KDM2B: variants seen among roughly 807,000 people sequenced by gnomAD.
KDM2B encodes the protein lysine-specific demethylase 2B.
Under a neutral mutation model 150.0 loss-of-function variants are expected in KDM2B, and 26 were observed. That is an observed-to-expected ratio of 0.17 (90% CI 0.13 to 0.24). The LOEUF is 0.24. Among genes scored for constraint, KDM2B ranks in the 10% least tolerant of loss-of-function variants. KDM2B has a pLI of 1.00. For missense variants in KDM2B, 1,265 were observed against 1,816.9 expected (o/e 0.70, Z 5.52); for synonymous variants, 734 against 729.5 (o/e 1.01, Z -0.10).
chr12:121,430,243 C>T lies in KDM2B; in HGVS notation c.*45G>A. On this transcript the variant is annotated 3_prime_UTR_variant, in exon 23 of 23. Transcript: ENST00000377071. This position sits in a 1 kb window ranked among gnomAD's most constrained non-coding sequence, Gnocchi z 4.4. ...AAAAGCCCTCATTTTTGTAAAGTCT[C>T]TCCCCTCCCAGAGCCCGCCCCGTAT... is the stretch of plus-strand genomic sequence containing the variant. The T allele has an allele frequency of 6.2e-7, 1 of 1,614,106 alleles. No homozygotes were observed. The highest frequency in any genetic ancestry group is 1.1e-5 in the South Asian group (1 of 91,084).
chr12:121,454,545 G>GTC (rs1171933186), intron 12 of KDM2B, among the ~76,000 whole-genome samples: 1 of 152,176 alleles, frequency 6.6e-6, no homozygotes, highest in Admixed American at 6.5e-5. Flanking sequence ...GTCCACAGAG[G>GTC]TCCCCTGTCC....
At chr12:121,491,233 G>A (rs1593931447) in intron 12 of KDM2B, among the ~76,000 whole-genome samples, 1 of 152,176 alleles carries the variant, frequency 6.6e-6, no homozygotes, top group East Asian at 1.9e-4. Flanking sequence ...TGGCCCGAGA[G>A]GCACTGCTGC....
At chr12:121,446,879 T>C (rs1025845507) in intron 13 of KDM2B, among the ~76,000 whole-genome samples, 2 of 152,184 alleles carry the variant, frequency 1.3e-5, no homozygotes, top group African/African-American at 4.8e-5. Flanking sequence ...TATGTGCCAA[T>C]ATTTGGAAAA....
Position 121,533,051 on chromosome 12 carries a change from C to G in KDM2B, c.778-92G>C, listed in dbSNP as rs1394731387. 6 of 1,327,978 alleles carry G rather than the reference C, an allele frequency of 4.5e-6. No individual in the cohort carries two copies. The highest frequency in any genetic ancestry group is 3.9e-5 in the South Asian group (3 of 76,934). 82.3% of individuals were successfully genotyped at this position (1,327,978 alleles called of 1,614,324 possible). A position where few individuals can be genotyped will look rare whatever the true frequency, so the allele number is the denominator to read the frequency against. On this transcript the variant is annotated intron_variant, in intron 7 of 22. Coordinates refer to ENST00000377071, the MANE Select transcript of KDM2B (RefSeq NM_032590.5). The surrounding 1 kb of genome is among the most constrained non-coding windows in gnomAD (Gnocchi z 4.1). ...ACCTGCCTGGCGGAAGGGGAGGGGG[C>G]GAGACAAGCTGTGTGTGGGGTGGGG...
intron 12 of KDM2B, among the ~76,000 whole-genome samples, chr12:121,472,383 C>T (rs1169466401): frequency 2.0e-5 from 3 of 152,204 alleles, no homozygotes; most frequent in African/African-American, 4.8e-5. Context: ...AACTGTAATT[C>T]GAACAGTGAC....
chr12:121,507,842 C>G (rs1555303171), intron 11 of KDM2B, among the ~76,000 whole-genome samples: 1 of 152,030 alleles, frequency 6.6e-6, no homozygotes. Flanking sequence ...GAGACCCCAT[C>G]TCTACAAAAA....
intron 12 of KDM2B, among the ~76,000 whole-genome samples, chr12:121,458,664 G>A (rs1878649602): frequency 6.6e-6 from 1 of 152,144 alleles, no homozygotes; most frequent in South Asian, 2.1e-4. Context: ...AGCCAGGCAT[G>A]GTGGCACGTG....
intron 12 of KDM2B, among the ~76,000 whole-genome samples, chr12:121,472,729 C>T (rs1490652140): frequency 2.6e-5 from 4 of 152,172 alleles, no homozygotes; most frequent in Non-Finnish European, 5.9e-5. Context: ...ATTCCCAATG[C>T]CTTTGCTGAC....
Position 121,444,071 on chromosome 12 carries a change from C to G in KDM2B, c.2392G>C (p.Val798Leu). The stretch of plus-strand genomic sequence containing the variant: ...TATTTCCGCTTCTTCCTCAGGTGCA[C>G]GTCGTCAGACTTTCTGCGCAGAAGG... ...DGLLRRKSDD[V>L]HLRKKRKYEK... Residue 798 changes from valine to leucine, a missense_variant, in exon 16 of 23, where the codon GTG becomes CTG. Coordinates refer to ENST00000377071, the MANE Select transcript of KDM2B (RefSeq NM_032590.5). 1 of 1,613,934 alleles carries G rather than the reference C, an allele frequency of 6.2e-7. No homozygotes were observed. Among genetic ancestry groups the G allele is most frequent in the Non-Finnish European group, 8.5e-7 (1 of 1,179,988 alleles).
In KDM2B at chr12:121,537,942, G is replaced by A. The variant is rs1456002794; in HGVS notation, c.684-3352C>T. 6.6e-6 allele frequency among the ~76,000 whole-genome samples: 1 copy of A among 150,654 alleles called. No individual in the cohort carries two copies. Among genetic ancestry groups the A allele is most frequent in the Non-Finnish European group, 1.5e-5 (1 of 67,530 alleles). ...GCGGCGGCGGCGGCGGCTCCCGTGC[G>A]TCCCCTTCGGCTCCCGGGCGTCCCC... On this transcript the variant is annotated intron_variant, in intron 6 of 22. Coordinates refer to ENST00000377071, the MANE Select transcript of KDM2B (RefSeq NM_032590.5). The surrounding 1 kb of genome is among the most constrained non-coding windows in gnomAD (Gnocchi z 8.7).
At chr12:121,504,535 C>CA (rs1227747589) in intron 11 of KDM2B, among the ~76,000 whole-genome samples, 55 of 149,266 alleles carry the variant, frequency 3.7e-4, no homozygotes, top group Admixed American at 1.3e-3. Flanking sequence ...ACCCCCATCT[C>CA]AAAAAAAAAC....
At chr12:121,440,554 T>A (rs527766423) in intron 21 of KDM2B, 5 of 465,380 alleles carry the variant, frequency 1.1e-5, no homozygotes, top group East Asian at 3.7e-5. Context: ...AAGAAAGCAG[T>A]GAGACACACG....
intron 11 of KDM2B, among the ~76,000 whole-genome samples, chr12:121,497,415 C>T (rs1884088207): frequency 6.6e-6 from 1 of 152,114 alleles, no homozygotes; most frequent in African/African-American, 2.4e-5. Flanking sequence ...AGCGAGTCTC[C>T]TGCCTCAGCC....
chr12:121,436,102 A>C (rs995727959), intron 22 of KDM2B, among the ~76,000 whole-genome samples: 1 of 152,256 alleles, frequency 6.6e-6, no homozygotes, highest in Non-Finnish European at 1.5e-5. Flanking sequence ...AGTTCAGAGA[A>C]TACAGCTTGA....
At chr12:121,510,452 G>A (rs894143002) in intron 10 of KDM2B, among the ~76,000 whole-genome samples, 3 of 151,934 alleles carry the variant, frequency 2.0e-5, no homozygotes, top group Admixed American at 6.6e-5. Context: ...ATGAGGTCTC[G>A]TTATATTGCC....
Position 121,452,140 on chromosome 12 carries a change from G to A in KDM2B, c.1959+980C>T, listed in dbSNP as rs187072534. Among the ~76,000 whole-genome samples the A allele has an allele frequency of 1.3e-3, 195 of 152,106 alleles. 1 individual carries two copies. The highest frequency in any genetic ancestry group is 3.1e-4 in the Non-Finnish European group (21 of 68,016). ...ACTGAAAGTGGAATGGTGGTTGCCC[G>A]GGCTGAGGGAGGGGAAAGGGGAGTA... On this transcript the variant is annotated intron_variant, in intron 13 of 22. Transcript: ENST00000377071. The surrounding 1 kb of genome is among the most constrained non-coding windows in gnomAD (Gnocchi z 4.4).
At chr12:121,446,194 G>C (rs1452770746) in intron 13 of KDM2B, among the ~76,000 whole-genome samples, 3 of 152,136 alleles carry the variant, frequency 2.0e-5, no homozygotes, top group East Asian at 1.9e-4. Flanking sequence ...AGGAGATCGA[G>C]ACCATCCCGG....
Position 121,540,754 on chromosome 12 carries a change from CAAAAAAAAA to C in KDM2B, c.684-6173_684-6165del, listed in dbSNP as rs60199948. 4.3e-4 allele frequency among the ~76,000 whole-genome samples: 28 copies of C among 64,482 alleles called. No homozygotes were observed. The East Asian group carries it at 0.013, about 30-fold the overall frequency. The allele number at this position is 64,482 out of a possible 152,430, so 42.3% of individuals were successfully genotyped here. A position where few individuals can be genotyped will look rare whatever the true frequency, so the allele number is the denominator to read the frequency against. ...TGGGCAGCAGAGCGAGACTCTGTCT[CAAAAAAAAA>C]AAAAAAAAAAAAAAGTAGAGGATGC... On this transcript the variant is annotated intron_variant, in intron 6 of 22. Transcript: ENST00000377071.
intron 11 of KDM2B, among the ~76,000 whole-genome samples, chr12:121,508,730 G>A (rs1039241294): frequency 2.6e-5 from 4 of 152,108 alleles, no homozygotes; most frequent in African/African-American, 7.2e-5. Flanking sequence ...GGCATGCCCC[G>A]TACCCTCTCT....
Sources: gnomAD v4.1 joint callset for allele counts (sites outside exome capture counted in the v4.1 genomes callset) on GRCh38, gnomAD v4.1.1 for gene constraint, Gnocchi (gnomAD v3.1) non-coding constraint, MANE v1.5 for transcripts, NCBI Gene and HGNC (gene_info 2026-07-23, HGNC 2026-07-21) for gene names.